Variants in TRIM5 observed in about 807,000 individuals in gnomAD.
TRIM5 encodes the protein tripartite motif-containing protein 5.
A neutral mutation model predicts 35.6 loss-of-function variants in TRIM5; 31 were observed. The ratio of observed to expected loss-of-function variants is 0.87; its 90% CI spans 0.65 to 1.18. The LOEUF is 1.18. Ranked by LOEUF, TRIM5 falls within the 50% of genes most tolerant of loss-of-function variation. The probability of loss-of-function intolerance (pLI) is 0.00; values close to 1 mark genes in which losing one functional copy is unlikely to be tolerated. For synonymous variants in TRIM5, 243 were observed against 215.6 expected (o/e 1.13, Z -1.11); for missense variants, 609 against 591.6 (o/e 1.03, Z -0.31).
intron 1 of TRIM5, among the ~76,000 whole-genome samples, chr11:5,684,430 T>C (rs1852853784): frequency 6.6e-6 from 1 of 152,092 alleles, no homozygotes; most frequent in African/African-American, 2.4e-5. Flanking sequence ...ACAGTGACAA[T>C]GACAGGACTA....
chr11:5,590,924 G>T, the TRIM5 span: 1 of 159,652 alleles, frequency 6.3e-6, no homozygotes. Flanking sequence ...AACAAACTCT[G>T]GACACGCAGT....
chr11:5,617,030 C>T, the TRIM5 span, among the ~76,000 whole-genome samples: 2 of 117,828 alleles, frequency 1.7e-5, no homozygotes, highest in African/African-American at 3.3e-5. Flanking sequence ...AGCCACCACG[C>T]CCAGCTTTTT....
chr11:5,664,869 A>G lies in TRIM5; in HGVS notation c.1422T>C (p.Phe474=). The G allele has an allele frequency of 6.2e-7, 1 of 1,613,296 alleles. No individual in the cohort carries two copies. The highest frequency in any genetic ancestry group is 1.1e-5 in the South Asian group (1 of 90,958). ...FSHCSFSQPV[F]PYLNPRKCGV... is the part of the protein sequence containing the mutation. ...CACATTTTCTAGGATTTAAATATGG[A>G]AATACAGGCTGAGAAAAAGAACAGT... Residue 474 remains phenylalanine, a synonymous_variant, in exon 8 of 8, where the codon TTT becomes TTC. Transcript: ENST00000380034.
the TRIM5 span, among the ~76,000 whole-genome samples, chr11:5,615,590 TG>T: frequency 0.022 from 2,132 of 95,616 alleles, 15 homozygotes; most frequent in Middle Eastern, 0.06. Context: ...TTTTTTTTGT[TG>T]TTGTTGTTGT....
intron 4 of TRIM5, among the ~76,000 whole-genome samples, chr11:5,674,507 A>T (rs543346821): frequency 1.3e-5 from 2 of 152,348 alleles, no homozygotes; most frequent in Admixed American, 6.5e-5. Context: ...GAAAATGAGC[A>T]CCAAATGTTA....
At chr11:5,603,709 G>A in the TRIM5 span, 23 of 1,613,320 alleles carry the variant, frequency 1.4e-5, no homozygotes, top group East Asian at 8.9e-5. Context: ...CACGTTCCTC[G>A]TGGAGGAGGT....
chr11:5,675,060 G>A (rs980769276), intron 4 of TRIM5, among the ~76,000 whole-genome samples: 9 of 151,540 alleles, frequency 5.9e-5, no homozygotes, highest in African/African-American at 1.7e-4. Context: ...ATGGAGTCTC[G>A]CACTGTTGCC....
intron 1 of TRIM5, among the ~76,000 whole-genome samples, chr11:5,683,774 A>G (rs1029809161): frequency 1.3e-5 from 2 of 152,286 alleles, no homozygotes; most frequent in African/African-American, 4.8e-5. Flanking sequence ...CCCTGTCAAA[A>G]CAGACCACTC....
intron 4 of TRIM5, among the ~76,000 whole-genome samples, chr11:5,671,282 G>T (rs1366858494): frequency 1.4e-5 from 2 of 141,542 alleles, no homozygotes; most frequent in Non-Finnish European, 3.0e-5. Context: ...AAACAAGATA[G>T]AATACCACAG....
rs866262999 is a variant in TRIM5, at chr11:5,675,699, T to C, written c.744+2505A>G. Reference sequence around the variant, plus strand: ...TTTTCTTCTGTTGTGTTTTTTTTGTTTTTGTTTTTGTTTTATTATACTTTA... The same window carrying C: ...TTTTCTTCTGTTGTGTTTTTTTTGTCTTTGTTTTTGTTTTATTATACTTTA... On this transcript the variant is annotated intron_variant, in intron 4 of 7. Coordinates refer to ENST00000380034, the MANE Select transcript of TRIM5 (RefSeq NM_033034.3). Among the ~76,000 whole-genome samples, 537 of 151,952 alleles carry C rather than the reference T, an allele frequency of 3.5e-3. 3 individuals are homozygous for C. Among genetic ancestry groups the C allele is most frequent in the African/African-American group, 0.012 (502 of 41,422 alleles).
At chr11:5,659,257 A>C (rs896613038), downstream of TRIM5, among the ~76,000 whole-genome samples, 4 of 152,190 alleles carry the variant, frequency 2.6e-5, no homozygotes, top group Admixed American at 2.0e-4. Flanking sequence ...GCCCGTCTGC[A>C]TTCTCCCCTA....
the TRIM5 span, chr11:5,611,456 T>G: frequency 1.0e-6 from 1 of 988,102 alleles, no homozygotes. Context: ...TGTTTTTTGG[T>G]TTTTGAATCT....
chr11:5,607,219 T>C, the TRIM5 span, among the ~76,000 whole-genome samples: 1 of 152,008 alleles, frequency 6.6e-6, no homozygotes, highest in Non-Finnish European at 1.5e-5. Context: ...AAAAAAATAT[T>C]TTATAGCCAA....
the TRIM5 span, among the ~76,000 whole-genome samples, chr11:5,657,553 GC>G: frequency 9.1e-6 from 1 of 110,418 alleles, no homozygotes; most frequent in African/African-American, 4.1e-5. Flanking sequence ...TATATATAAT[GC>G]ATTTATATAT....
chr11:5,647,138 G>A, the TRIM5 span, among the ~76,000 whole-genome samples: 190 of 152,264 alleles, frequency 1.2e-3, no homozygotes, highest in Non-Finnish European at 2.2e-3. Context: ...CACTAGAGAA[G>A]TGCTCAGATA....
downstream of TRIM5, chr11:5,663,124 C>G (rs1850888550): frequency 2.3e-6 from 1 of 432,408 alleles, no homozygotes; most frequent in Non-Finnish European, 2.7e-6. Context: ...AACCCTGTCT[C>G]AAAACAAACA....
chr11:5,597,345 C>T, the TRIM5 span, among the ~76,000 whole-genome samples: 1 of 152,038 alleles, frequency 6.6e-6, no homozygotes, highest in Non-Finnish European at 1.5e-5. Flanking sequence ...AAACTCCATG[C>T]CTAGCTTTAA....
At chr11:5,674,259 GGA>G (rs1851775030) in intron 4 of TRIM5, among the ~76,000 whole-genome samples, 1 of 152,134 alleles carries the variant, frequency 6.6e-6, no homozygotes. Flanking sequence ...TAGTATCATA[GGA>G]GTCTCTAGCA....
chr11:5,655,257 C>T, the TRIM5 span, among the ~76,000 whole-genome samples: 1 of 150,652 alleles, frequency 6.6e-6, no homozygotes, highest in East Asian at 1.9e-4. Context: ...GGTTGTAGAG[C>T]TGGGTGGGAA....
Sources: allele counts gnomAD v4.1 joint callset (sites outside exome capture counted in the v4.1 genomes callset), GRCh38; gene constraint gnomAD v4.1.1; transcripts MANE v1.5; gene names NCBI Gene and HGNC (gene_info 2026-07-23, HGNC 2026-07-21).